Variants in AOPEP observed in about 807,000 individuals in gnomAD.
AOPEP encodes the protein aminopeptidase O (putative).
A neutral mutation model predicts 98.1 loss-of-function variants in AOPEP; 77 were observed. That is an observed-to-expected ratio of 0.78 (90% CI 0.65 to 0.95). AOPEP has a LOEUF of 0.95. Among genes scored for constraint, AOPEP ranks in the 40% least tolerant of loss-of-function variants. The pLI is 0.00. For missense variants in AOPEP, 1,024 were observed against 1,024.7 expected (o/e 1.00, Z 0.01); for synonymous variants, 346 against 365.3 (o/e 0.95, Z 0.60).
At chr9:95,139,263 G>A in the AOPEP span, among the ~76,000 whole-genome samples, 7 of 152,312 alleles carry the variant, frequency 4.6e-5, no homozygotes, top group African/African-American at 7.2e-5. Context: ...CACCCTCTCC[G>A]TGTAGGCGCT....
intron 5 of AOPEP, among the ~76,000 whole-genome samples, chr9:94,909,256 C>T (rs963726618): frequency 8.7e-5 from 13 of 149,988 alleles, no homozygotes; most frequent in Middle Eastern, 3.5e-3. Context: ...TAAGGTTACG[C>T]GCATTGAGCG....
At position 94,940,811 on chromosome 9, in the gene AOPEP, G is replaced by A. The variant is rs935386487; in HGVS notation, c.1661+12280G>A. Among the ~76,000 whole-genome samples the A allele has an allele frequency of 3.3e-5, 5 of 152,056 alleles. No individual in the cohort carries two copies. The South Asian group carries it at 6.2e-4, about 19-fold the overall frequency. ...TCCTCAGCCTGGCTCGTCCCCTCAT[G>A]TCCGCATGGCTCTGGAGCTGGGCCC... is the stretch of plus-strand genomic sequence containing the variant. On this transcript the variant is annotated intron_variant, in intron 7 of 16. Transcript: ENST00000375315.
chr9:94,916,672 GC>G (rs1377641633), intron 5 of AOPEP, among the ~76,000 whole-genome samples: 1 of 148,146 alleles, frequency 6.8e-6, no homozygotes, highest in East Asian at 2.0e-4. Context: ...TCCAGCCTGG[GC>G]AACAGAGCGA....
intron 1 of AOPEP, among the ~76,000 whole-genome samples, chr9:94,736,581 T>C (rs1420812257): frequency 6.6e-6 from 1 of 152,228 alleles, no homozygotes; most frequent in African/African-American, 2.4e-5. Flanking sequence ...TTAGTTCTAA[T>C]AGAGTTTAAA....
chr9:95,009,376 A>G lies in AOPEP; in HGVS notation c.2115+3760A>G, dbSNP rs908455718. 2.6e-5 allele frequency among the ~76,000 whole-genome samples: 4 copies of G among 152,206 alleles called. No homozygotes were observed. The South Asian group carries it at 6.2e-4, about 24-fold the overall frequency. ...GTAGAATAGTCTTTTATGAAATAAT[A>G]TACTTATGGAAAATATATGACTGGT... On this transcript the variant is annotated intron_variant, in intron 13 of 16. Coordinates refer to ENST00000375315, the MANE Select transcript of AOPEP (RefSeq NM_001193329.3).
At chr9:95,043,495 G>A (rs1198367773) in intron 13 of AOPEP, among the ~76,000 whole-genome samples, 3 of 152,040 alleles carry the variant, frequency 2.0e-5, no homozygotes, top group Non-Finnish European at 4.4e-5. Context: ...TTCAGTTATA[G>A]TTTTATTGAC....
intron 5 of AOPEP, among the ~76,000 whole-genome samples, chr9:94,855,908 C>T (rs180874395): frequency 2.0e-5 from 3 of 152,212 alleles, no homozygotes; most frequent in Admixed American, 2.0e-4. Context: ...ATATATATAA[C>T]AAAGGACAGG....
intron 7 of AOPEP, chr9:94,931,966 C>G (rs2055390437): frequency 8.9e-7 from 1 of 1,125,058 alleles, no homozygotes; most frequent in Non-Finnish European, 1.2e-6. Flanking sequence ...TGCGTCTAAC[C>G]TCCTCTAGCT....
At chr9:94,852,676 C>A (rs948408123) in intron 5 of AOPEP, among the ~76,000 whole-genome samples, 1 of 152,234 alleles carries the variant, frequency 6.6e-6, no homozygotes, top group Admixed American at 6.5e-5. Context: ...TCTGCAGGTG[C>A]TTTCGCAGTT....
chr9:94,772,943 A>G, intron 2 of AOPEP, 59 bp from the exon 3 acceptor site: 2 of 1,496,432 alleles, frequency 1.3e-6, no homozygotes, highest in Non-Finnish European at 1.8e-6. Context: ...TACTGGTGAG[A>G]AAAGTGACAA....
intron 5 of AOPEP, among the ~76,000 whole-genome samples, chr9:94,852,568 C>G (rs2043683713): frequency 6.6e-6 from 1 of 152,204 alleles, no homozygotes; most frequent in African/African-American, 2.4e-5. Flanking sequence ...ACAAGCCTAA[C>G]TAATGTAAGC....
chr9:94,803,297 C>A (rs1460708632), intron 5 of AOPEP, among the ~76,000 whole-genome samples: 1 of 152,104 alleles, frequency 6.6e-6, no homozygotes, highest in Non-Finnish European at 1.5e-5. Flanking sequence ...CTCTGGACTT[C>A]TTTAGTGATT....
At chr9:95,114,738 G>C in the AOPEP span, 7 of 1,598,032 alleles carry the variant, frequency 4.4e-6, no homozygotes, top group Non-Finnish European at 6.0e-6. Flanking sequence ...TACGTCAGAG[G>C]GCAACTGAGG....
intron 11 of AOPEP, among the ~76,000 whole-genome samples, chr9:94,982,586 G>A (rs201601727): frequency 1.7e-5 from 1 of 58,510 alleles, no homozygotes; most frequent in African/African-American, 5.1e-5. Context: ...TTTTTTTTTT[G>A]GAGACAGGGT....
At chr9:94,807,357 C>T (rs1182234201) in intron 5 of AOPEP, among the ~76,000 whole-genome samples, 1 of 152,188 alleles carries the variant, frequency 6.6e-6, no homozygotes, top group Non-Finnish European at 1.5e-5. Context: ...GAACTGTTCT[C>T]CCCACACAAA....
chr9:94,956,069 C>T (rs2058434450), intron 9 of AOPEP, 54 bp downstream of exon 9: 6 of 1,029,066 alleles, frequency 5.8e-6, no homozygotes, highest in Non-Finnish European at 8.9e-6. Context: ...GGGTATGGCA[C>T]ATGAAGATTA....
the AOPEP span, among the ~76,000 whole-genome samples, chr9:95,098,402 AG>A: frequency 6.6e-6 from 1 of 152,212 alleles, no homozygotes; most frequent in Non-Finnish European, 1.5e-5. Context: ...CAGGCAGGAC[AG>A]GGTGAAGAAC....
intron 5 of AOPEP, among the ~76,000 whole-genome samples, chr9:94,856,776 A>G (rs1054942169): frequency 6.6e-6 from 1 of 152,210 alleles, no homozygotes; most frequent in African/African-American, 2.4e-5. Context: ...TTAAACATTA[A>G]TTGGCCTATA....
At chr9:95,090,934 A>G (rs1224345228), downstream of AOPEP, among the ~76,000 whole-genome samples, 1 of 152,230 alleles carries the variant, frequency 6.6e-6, no homozygotes, top group Non-Finnish European at 1.5e-5. Flanking sequence ...GAGGCCAGCC[A>G]CACCCAAGAC....
Sources: allele counts gnomAD v4.1 joint callset (sites outside exome capture counted in the v4.1 genomes callset), GRCh38; gene constraint gnomAD v4.1.1; transcripts MANE v1.5; gene names NCBI Gene and HGNC (gene_info 2026-07-23, HGNC 2026-07-21).